NRG3: variants seen among roughly 807,000 people sequenced by gnomAD.
The protein encoded by NRG3 is pro-neuregulin-3, membrane-bound isoform.
NRG3 carries 31 observed loss-of-function variants against 66.9 expected under a neutral mutation model. The observed-to-expected ratio is 0.46, with a 90% CI of 0.35 to 0.63. The LOEUF (loss-of-function observed/expected upper bound fraction) is 0.63. NRG3 is among the 20% of genes least tolerant of loss of function. The pLI is 0.00. For synonymous variants in NRG3, 393 were observed against 359.4 expected, an observed-to-expected ratio of 1.09 and a Z score of -1.06; for missense variants, 910 against 878.9, an observed-to-expected ratio of 1.04 and a Z score of -0.45.
intron 1 of NRG3, among the ~76,000 whole-genome samples, chr10:82,205,618 C>G (rs1190478645): frequency 3.3e-5 from 5 of 152,208 alleles, no homozygotes; most frequent in East Asian, 1.9e-4. Context: ...TGGAAAAGAG[C>G]TCTGGATATT....
At chr10:82,890,064 A>C (rs1252213199) in intron 4 of NRG3, among the ~76,000 whole-genome samples, 1 of 151,770 alleles carries the variant, frequency 6.6e-6, no homozygotes, top group Non-Finnish European at 1.5e-5. Context: ...CTCTATTCTC[A>C]TGCTACTTGG....
chr10:82,370,412 G>C (rs888398242), intron 2 of NRG3, among the ~76,000 whole-genome samples: 1 of 138,386 alleles, frequency 7.2e-6, no homozygotes. Context: ...CTGCCGCGTC[G>C]TTCTGCCATT....
chr10:82,820,857 CT>C lies in NRG3; in HGVS notation c.1028-44553del, dbSNP rs1377600381. Reference sequence around the variant, plus strand: ...CTTCTTTTAATCGTTTTTGTGGTTTCTCATTAGAGAATAGGTAAATAATGAA... The same window carrying C: ...CTTCTTTTAATCGTTTTTGTGGTTTCCATTAGAGAATAGGTAAATAATGAA... On this transcript the variant is annotated intron_variant, in intron 3 of 8. Transcript: ENST00000372141. Among the ~76,000 whole-genome samples, 18 of 152,268 alleles carry C rather than the reference CT, an allele frequency of 1.2e-4. No individual in the cohort carries two copies. The East Asian group carries it at 3.3e-3, about 28-fold the overall frequency.
rs150889806 is a variant in NRG3 at position 82,434,057 on chromosome 10, G to A, written c.953+75189G>A. Among the ~76,000 whole-genome samples the A allele has an allele frequency of 5.1e-4, 78 of 152,146 alleles. No individual in the cohort carries two copies. In the East Asian group the frequency reaches 0.012, roughly 23 times the overall value. On this transcript the variant is annotated intron_variant, in intron 2 of 8. Transcript: ENST00000372141. ...CTTTGGGGAGTTTGGCCATTTTCAC[G>A]GTATTGATTCTTCCTATCCATGAGG... is the stretch of plus-strand genomic sequence containing the variant.
At chr10:82,559,835 C>T (rs1055854525) in intron 2 of NRG3, among the ~76,000 whole-genome samples, 26 of 152,240 alleles carry the variant, frequency 1.7e-4, no homozygotes, top group Non-Finnish European at 3.5e-4. Flanking sequence ...CTTTCCAATA[C>T]TTATATATCC....
intron 1 of NRG3, among the ~76,000 whole-genome samples, chr10:82,340,234 T>C (rs902974089): frequency 1.3e-5 from 2 of 152,162 alleles, no homozygotes; most frequent in Admixed American, 6.5e-5. Flanking sequence ...ATGCAAAGGC[T>C]GCATTAAGAT....
chr10:82,914,806 A>G (rs1591939774), intron 4 of NRG3, among the ~76,000 whole-genome samples: 1 of 151,356 alleles, frequency 6.6e-6, no homozygotes, highest in East Asian at 1.9e-4. Flanking sequence ...GAGAGGTTTC[A>G]AATTAGGTAT....
intron 2 of NRG3, among the ~76,000 whole-genome samples, chr10:82,443,295 C>G (rs529006597): frequency 6.6e-6 from 1 of 151,932 alleles, no homozygotes; most frequent in Non-Finnish European, 1.5e-5. Flanking sequence ...CCACCAGCTT[C>G]GGTAATTTGA....
chr10:82,048,346 G>T (rs1042300755), intron 1 of NRG3, among the ~76,000 whole-genome samples: 1 of 151,794 alleles, frequency 6.6e-6, no homozygotes, highest in Admixed American at 6.6e-5. Flanking sequence ...CACATAGTTG[G>T]AAGTAAAGCT....
chr10:82,007,841 T>C (rs1010038330), intron 1 of NRG3, among the ~76,000 whole-genome samples: 36 of 152,174 alleles, frequency 2.4e-4, no homozygotes, highest in Admixed American at 2.2e-3. Context: ...TGAATGACAA[T>C]TGACATCTAA....
chr10:82,675,054 G>A (rs1317430930), intron 2 of NRG3, among the ~76,000 whole-genome samples: 1 of 151,936 alleles, frequency 6.6e-6, no homozygotes, highest in Non-Finnish European at 1.5e-5. Flanking sequence ...CGCCTCCTGG[G>A]TTCAAGCGAT....
intron 2 of NRG3, among the ~76,000 whole-genome samples, chr10:82,722,518 C>CA (rs943746431): frequency 6.6e-6 from 1 of 151,736 alleles, no homozygotes; most frequent in African/African-American, 2.4e-5. Context: ...TTTAAAAATG[C>CA]AAAAAAATAT....
At chr10:82,765,189 C>G (rs894638649) in intron 3 of NRG3, among the ~76,000 whole-genome samples, 1 of 152,008 alleles carries the variant, frequency 6.6e-6, no homozygotes, top group Admixed American at 6.6e-5. Flanking sequence ...GACATTTTAA[C>G]TAAGTAAGAA....
At chr10:82,340,930 G>A (rs2135389204) in intron 1 of NRG3, 1 of 152,136 alleles carries the variant, frequency 6.6e-6, no homozygotes, top group South Asian at 2.1e-4. Flanking sequence ...TTTTTTGATA[G>A]CACAACAGGG....
rs2083951949 is a variant in NRG3 at position 82,358,945 on chromosome 10, G to A, written c.953+77G>A. 11 of 1,594,634 alleles carry A rather than the reference G, an allele frequency of 6.9e-6. No individual in the cohort carries two copies. The Admixed American group carries it at 1.8e-4, about 27-fold the overall frequency. On this transcript the variant is annotated intron_variant, in intron 2 of 8. Coordinates refer to ENST00000372141, the MANE Select transcript of NRG3 (RefSeq NM_001010848.4). ...GGGTGGAGGGTGCTGGCAGCATCTG[G>A]TATGTGTCATATCCGGGATACACAC...
intron 3 of NRG3, among the ~76,000 whole-genome samples, chr10:82,780,475 CTTTTCTTTTTTTTTTTT>C (rs2060077233): frequency 9.1e-6 from 1 of 109,512 alleles, no homozygotes; most frequent in African/African-American, 3.5e-5. Context: ...TTTTTTTTTT[CTTTTCTTTTTTTTTTTT>C]TTTTTGGTCA....
chr10:82,746,930 T>A (rs1334688146), intron 3 of NRG3, among the ~76,000 whole-genome samples: 1 of 151,848 alleles, frequency 6.6e-6, no homozygotes, highest in East Asian at 1.9e-4. Context: ...AAAAATAAAA[T>A]AAAATAGCCA....
intron 2 of NRG3, among the ~76,000 whole-genome samples, chr10:82,362,241 T>TA (rs796158920): frequency 0.031 from 4,176 of 136,020 alleles, 95 homozygotes; most frequent in African/African-American, 0.067. Context: ...GCAATTTAAT[T>TA]AAAAAAAAAA....
intron 2 of NRG3, among the ~76,000 whole-genome samples, chr10:82,412,246 AG>A (rs1372429734): frequency 1.3e-5 from 2 of 152,170 alleles, no homozygotes; most frequent in African/African-American, 4.8e-5. Context: ...AGGTAAATGT[AG>A]GTATACATTG....
Sources: allele counts gnomAD v4.1 joint callset (sites outside exome capture counted in the v4.1 genomes callset), GRCh38; gene constraint gnomAD v4.1.1; transcripts MANE v1.5; gene names NCBI Gene and HGNC (gene_info 2026-07-23, HGNC 2026-07-21).